TSPAN7: variants seen among roughly 807,000 people sequenced by gnomAD.
TSPAN7 encodes the protein tetraspanin 7.
In TSPAN7, 1 loss-of-function variant was observed where a neutral mutation model predicts 17.6. The observed-to-expected ratio is 0.06, with a 90% confidence interval of 0.02 to 0.27. The LOEUF (loss-of-function observed/expected upper bound fraction) is 0.27. Among genes scored for constraint, TSPAN7 ranks in the 10% least tolerant of loss-of-function variants. The pLI is 1.00. For missense variants in TSPAN7, 112 were observed against 201.7 expected (o/e 0.56, Z 2.69); for synonymous variants, 78 against 79.0 (o/e 0.99, Z 0.07).
chrX:38,586,908 C>A (rs1249429296), intron 1 of TSPAN7, among the ~76,000 whole-genome samples: 1 of 112,546 alleles, frequency 8.9e-6, no homozygotes, highest in Non-Finnish European at 1.9e-5. Context: ...CATGAATATT[C>A]TTCATTTTTT....
chrX:38,571,572 G>A (rs2069169658), intron 1 of TSPAN7, among the ~76,000 whole-genome samples: 1 of 111,070 alleles, frequency 9.0e-6, no homozygotes, highest in African/African-American at 3.3e-5. Flanking sequence ...GGCCTGCAGT[G>A]TCTTTCAGTA....
At chrX:38,619,552 G>A (rs1436570726) in intron 1 of TSPAN7, among the ~76,000 whole-genome samples, 1 of 111,608 alleles carries the variant, frequency 9.0e-6, no homozygotes, top group Admixed American at 9.5e-5. Flanking sequence ...ACTGATAGTT[G>A]TATGAAGGGT....
intron 6 of TSPAN7, among the ~76,000 whole-genome samples, chrX:38,681,857 C>G (rs1365339341): frequency 9.0e-6 from 1 of 111,536 alleles, no homozygotes; most frequent in African/African-American, 3.3e-5. Context: ...TTTATCTGTA[C>G]CTACCCTCAA....
At chrX:38,570,406 G>A (rs777234717) in intron 1 of TSPAN7, among the ~76,000 whole-genome samples, 1 of 111,611 alleles carries the variant, frequency 9.0e-6, no homozygotes, top group Admixed American at 9.5e-5. Context: ...TCACTTAGTC[G>A]TTGCTTAGAA....
chrX:38,656,029 C>A (rs1156890242), intron 1 of TSPAN7: 3 of 325,736 alleles, frequency 9.2e-6, no homozygotes, highest in Non-Finnish European at 1.8e-5. Flanking sequence ...GAGGACACAG[C>A]CAATAAAAGG....
intron 1 of TSPAN7, among the ~76,000 whole-genome samples, chrX:38,633,602 A>C (rs911681878): frequency 2.4e-4 from 27 of 112,624 alleles, no homozygotes; most frequent in African/African-American, 8.7e-4. Flanking sequence ...ACACATGACA[A>C]AGCAAGCACT....
chrX:38,576,065 A>G (rs1479006516), intron 1 of TSPAN7, among the ~76,000 whole-genome samples: 1 of 112,075 alleles, frequency 8.9e-6, no homozygotes, highest in African/African-American at 3.2e-5. Flanking sequence ...CTCTGTTGCA[A>G]CTAGTCACCT....
At chrX:38,614,713 A>G (rs1312251694) in intron 1 of TSPAN7, among the ~76,000 whole-genome samples, 2 of 112,615 alleles carry the variant, frequency 1.8e-5, no homozygotes, top group African/African-American at 3.2e-5. Context: ...AAGGTCATTC[A>G]TGGGCACTGT....
intron 1 of TSPAN7, among the ~76,000 whole-genome samples, chrX:38,582,152 G>A (rs1274072336): frequency 1.8e-5 from 2 of 112,270 alleles, no homozygotes; most frequent in African/African-American, 6.5e-5. Flanking sequence ...AGGATAATTA[G>A]CTATATTACC....
chrX:38,681,357 C>T (rs1480404870), intron 6 of TSPAN7, 70 bp downstream of exon 6: 1 of 922,972 alleles, frequency 1.1e-6, no homozygotes, highest in Non-Finnish European at 1.6e-6. Flanking sequence ...TCCAGATTCT[C>T]TGCCTGCCTT....
chrX:38,581,498 C>T (rs908650506), intron 1 of TSPAN7, among the ~76,000 whole-genome samples: 6 of 111,153 alleles, frequency 5.4e-5, no homozygotes, highest in African/African-American at 2.0e-4. Flanking sequence ...GGAAAGACCC[C>T]CCCCTCATGA....
chrX:38,646,423 G>C, intron 1 of TSPAN7: 12 of 716,717 alleles, frequency 1.7e-5, no homozygotes, highest in Non-Finnish European at 2.3e-5. Flanking sequence ...CAGTGGAATA[G>C]AGTAGAAATA....
At chrX:38,671,303 G>A in intron 2 of TSPAN7, 73 bp from the exon 3 acceptor site, 1 of 1,052,681 alleles carries the variant, frequency 9.5e-7, no homozygotes, top group South Asian at 1.9e-5. Flanking sequence ...CTGATTGAAA[G>A]TAACCTACCC....
At chrX:38,627,363 C>T (rs1483183341) in intron 1 of TSPAN7, among the ~76,000 whole-genome samples, 1 of 111,811 alleles carries the variant, frequency 8.9e-6, no homozygotes, top group Non-Finnish European at 1.9e-5. Context: ...CACTCCGAGC[C>T]TCCTCAGAGG....
chrX:38,638,194 C>T (rs781492990), intron 1 of TSPAN7, among the ~76,000 whole-genome samples: 2 of 112,341 alleles, frequency 1.8e-5, no homozygotes, highest in Non-Finnish European at 3.8e-5. Context: ...TGGTAAAATG[C>T]TACAGTCTTT....
At chrX:38,660,224 G>A (rs1322479784) in intron 1 of TSPAN7, among the ~76,000 whole-genome samples, 2 of 111,367 alleles carry the variant, frequency 1.8e-5, no homozygotes, top group African/African-American at 6.5e-5. Context: ...AATAAATTCT[G>A]GTTCTTAGTC....
rs776725580 is a variant in TSPAN7 at position 38,636,635 on chromosome X, G to C, written c.82-29486G>C. On this transcript the variant is annotated intron_variant, in intron 1 of 7. Coordinates refer to ENST00000378482, the MANE Select transcript of TSPAN7 (RefSeq NM_004615.4). ...GGCCAAGACTGTATACCCTGTGACA[G>C]AATCAGCATGAGGGGTAGGGCAGGG... Among the ~76,000 whole-genome samples the C allele has an allele frequency of 6.3e-5, 7 of 111,709 alleles. No individual in the cohort carries two copies. The East Asian group carries it at 2.0e-3, about 31-fold the overall frequency.
At chrX:38,574,364 G>A (rs907446235) in intron 1 of TSPAN7, among the ~76,000 whole-genome samples, 1 of 111,997 alleles carries the variant, frequency 8.9e-6, no homozygotes, top group Non-Finnish European at 1.9e-5. Flanking sequence ...ACTACTAAGA[G>A]AATTTGATAA....
At chrX:38,586,479 T>A (rs969662034) in intron 1 of TSPAN7, among the ~76,000 whole-genome samples, 4 of 112,228 alleles carry the variant, frequency 3.6e-5, no homozygotes, top group African/African-American at 1.3e-4. Context: ...TTGCCCAGAG[T>A]CTGTCCCACA....
Sources: allele counts gnomAD v4.1 joint callset (sites outside exome capture counted in the v4.1 genomes callset), GRCh38; gene constraint gnomAD v4.1.1; transcripts MANE v1.5; gene names NCBI Gene and HGNC (gene_info 2026-07-23, HGNC 2026-07-21).